The following FHIT variants were observed in gnomAD, a reference collection of about 807,000 sequenced individuals.
FHIT encodes the protein fragile histidine triad diadenosine triphosphatase.
A neutral mutation model predicts 17.9 loss-of-function variants in FHIT; 19 were observed. The observed-to-expected ratio is 1.06, with a 90% CI of 0.74 to 1.56. The LOEUF (loss-of-function observed/expected upper bound fraction) is 1.56, where lower values mean the gene tolerates loss of function less well. Ranked by LOEUF, FHIT falls within the 40% of genes most tolerant of loss-of-function variation. FHIT has a pLI of 0.00. For synonymous variants in FHIT, 81 were observed against 69.7 expected (o/e 1.16, Z -0.81); for missense variants, 248 against 189.2 (o/e 1.31, Z -1.82).
intron 7 of FHIT, among the ~76,000 whole-genome samples, chr3:59,987,028 T>A (rs1206642325): frequency 1.8e-5 from 2 of 109,022 alleles, no homozygotes. Context: ...AATAAAAATA[T>A]AAAATATATA....
At chr3:60,371,646 T>C (rs1050603748) in intron 5 of FHIT, among the ~76,000 whole-genome samples, 1 of 152,180 alleles carries the variant, frequency 6.6e-6, no homozygotes, top group Non-Finnish European at 1.5e-5. Context: ...TTCTGCTCTA[T>C]GATGTAACTT....
At chr3:60,624,863 C>T (rs2039237835) in intron 4 of FHIT, among the ~76,000 whole-genome samples, 1 of 151,448 alleles carries the variant, frequency 6.6e-6, no homozygotes, top group South Asian at 2.1e-4. Context: ...TTTGTCCATT[C>T]AGAAATTGAT....
At chr3:60,813,108 C>T (rs1450468771) in intron 4 of FHIT, among the ~76,000 whole-genome samples, 2 of 151,514 alleles carry the variant, frequency 1.3e-5, no homozygotes, top group African/African-American at 4.9e-5. Flanking sequence ...GGATTAACAT[C>T]ATTATGAAGA....
intron 1 of FHIT, among the ~76,000 whole-genome samples, chr3:61,222,403 TTGG>T (rs2106830932): frequency 6.6e-6 from 1 of 152,252 alleles, no homozygotes; most frequent in East Asian, 1.9e-4. Context: ...CAACAAAATA[TTGG>T]TAGAGAATGG....
At chr3:61,120,577 A>G (rs2036427758) in intron 2 of FHIT, among the ~76,000 whole-genome samples, 1 of 152,198 alleles carries the variant, frequency 6.6e-6, no homozygotes, top group Admixed American at 6.5e-5. Context: ...TCTCGTTTAC[A>G]GAAATGCCTT....
At chr3:60,304,050 C>T (rs925814451) in intron 5 of FHIT, among the ~76,000 whole-genome samples, 1 of 151,928 alleles carries the variant, frequency 6.6e-6, no homozygotes, top group East Asian at 1.9e-4. Flanking sequence ...CACCTTGGCT[C>T]TTGCTTGTCT....
intron 5 of FHIT, among the ~76,000 whole-genome samples, chr3:60,210,880 A>G (rs1306513939): frequency 6.6e-6 from 1 of 152,142 alleles, no homozygotes; most frequent in East Asian, 1.9e-4. Flanking sequence ...ATCCTTTGAC[A>G]CAGAATTGCA....
At chr3:60,356,155 G>C (rs1366903553) in intron 5 of FHIT, among the ~76,000 whole-genome samples, 5 of 152,148 alleles carry the variant, frequency 3.3e-5, no homozygotes, top group African/African-American at 1.2e-4. Flanking sequence ...ATTTAAAATT[G>C]TGTTTGTTCA....
At chr3:61,010,821 A>C (rs1439234954) in intron 3 of FHIT, among the ~76,000 whole-genome samples, 1 of 152,248 alleles carries the variant, frequency 6.6e-6, no homozygotes, top group Non-Finnish European at 1.5e-5. Context: ...TGGAAGGAGA[A>C]GTAGATAATA....
intron 3 of FHIT, among the ~76,000 whole-genome samples, chr3:60,873,770 G>T (rs746061654): frequency 2.0e-5 from 3 of 152,172 alleles, no homozygotes; most frequent in Non-Finnish European, 2.9e-5. Context: ...CTAATGGAAA[G>T]AAATATAACC....
intron 4 of FHIT, among the ~76,000 whole-genome samples, chr3:60,561,218 T>C (rs970336974): frequency 8.6e-5 from 13 of 152,020 alleles, no homozygotes; most frequent in African/African-American, 3.1e-4. Context: ...ACCAATCAGA[T>C]AGACGCTAAG....
chr3:60,541,269 A>G (rs1351634184), intron 4 of FHIT, among the ~76,000 whole-genome samples: 1 of 152,236 alleles, frequency 6.6e-6, no homozygotes, highest in Non-Finnish European at 1.5e-5. Flanking sequence ...TAAAACAAGT[A>G]TCATGCAAGT....
intron 5 of FHIT, among the ~76,000 whole-genome samples, chr3:60,122,400 A>T (rs1278937714): frequency 6.6e-6 from 1 of 152,128 alleles, no homozygotes; most frequent in Non-Finnish European, 1.5e-5. Context: ...TAAAACTAGG[A>T]ATCAGAAAGA....
chr3:60,206,141 A>AT (rs1703166734), intron 5 of FHIT, among the ~76,000 whole-genome samples: 3 of 133,366 alleles, frequency 2.2e-5, no homozygotes, highest in Non-Finnish European at 4.8e-5. Flanking sequence ...TCAAAAAAAA[A>AT]AAAAAATAAA....
intron 5 of FHIT, among the ~76,000 whole-genome samples, chr3:60,215,557 C>T (rs938397647): frequency 1.3e-5 from 2 of 151,834 alleles, no homozygotes; most frequent in African/African-American, 4.8e-5. Flanking sequence ...AGTGGTACTC[C>T]ATCTCAAAAA....
At chr3:60,651,363 C>A (rs2039986439) in intron 4 of FHIT, among the ~76,000 whole-genome samples, 1 of 151,900 alleles carries the variant, frequency 6.6e-6, no homozygotes, top group Non-Finnish European at 1.5e-5. Context: ...ATTTTCAAAC[C>A]TTTGTTAATT....
At chr3:60,430,044 G>A (rs189323251) in intron 5 of FHIT, among the ~76,000 whole-genome samples, 1 of 151,978 alleles carries the variant, frequency 6.6e-6, no homozygotes, top group Admixed American at 6.6e-5. Flanking sequence ...TGACTGACTG[G>A]AGAAGAACAT....
At chr3:59,752,607 C>T (rs914993920) in intron 8 of FHIT, among the ~76,000 whole-genome samples, 2 of 151,950 alleles carry the variant, frequency 1.3e-5, no homozygotes, top group African/African-American at 2.4e-5. Context: ...AATTAGAATC[C>T]CCAGTGTCAG....
chr3:60,642,978 A>C (rs541834699), intron 4 of FHIT, among the ~76,000 whole-genome samples: 15 of 152,326 alleles, frequency 9.8e-5, no homozygotes, highest in Admixed American at 3.3e-4. Flanking sequence ...CCTTCATGAA[A>C]GCACTTTCAC....
Sources: allele counts gnomAD v4.1 joint callset (sites outside exome capture counted in the v4.1 genomes callset), GRCh38; gene constraint gnomAD v4.1.1; transcripts MANE v1.5; gene names NCBI Gene and HGNC (gene_info 2026-07-23, HGNC 2026-07-21).